Variants in SLC25A25 observed in about 807,000 individuals in gnomAD.
SLC25A25 encodes the protein mitochondrial adenyl nucleotide antiporter SLC25A25.
A neutral mutation model predicts 57.7 loss-of-function variants in SLC25A25; 32 were observed. The ratio of observed to expected loss-of-function variants is 0.55; its 90% CI spans 0.42 to 0.74. The LOEUF (loss-of-function observed/expected upper bound fraction) is 0.74, where lower values mean the gene tolerates loss of function less well. SLC25A25 is among the 30% of genes least tolerant of loss of function. SLC25A25 has a pLI of 0.00. For synonymous variants in SLC25A25, 306 were observed against 291.2 expected (o/e 1.05, Z -0.52); for missense variants, 556 against 701.3 (o/e 0.79, Z 2.34).
At chr9:128,072,661 T>C (rs1357819786) in intron 1 of SLC25A25, among the ~76,000 whole-genome samples, 1 of 152,146 alleles carries the variant, frequency 6.6e-6, no homozygotes, top group Non-Finnish European at 1.5e-5. Context: ...AAATTTTCTT[T>C]GTAAAGGGCA....
At position 128,102,588 on chromosome 9, in the gene SLC25A25, C is replaced by T; in HGVS notation, c.624+107C>T. ...GCAGCTGGGGCTTTCCAGCCACCTCCTCTTCCACAGGAGACTGTCCCCTCT... is the reference window on the plus strand; with the variant it reads ...GCAGCTGGGGCTTTCCAGCCACCTCTTCTTCCACAGGAGACTGTCCCCTCT... On this transcript the variant is annotated intron_variant, in intron 5 of 10. Coordinates refer to ENST00000373069, the MANE Select transcript of SLC25A25 (RefSeq NM_001330988.2). The surrounding 1 kb of genome is among the most constrained non-coding windows in gnomAD (Gnocchi z 4.1). The T allele has an allele frequency of 4.9e-6, 4 of 815,106 alleles. No individual in the cohort carries two copies. In the South Asian group the frequency reaches 6.7e-5, roughly 14 times the overall value. The allele number at this position is 815,106 out of a possible 1,614,324, so 50.5% of individuals were successfully genotyped here. A position where few individuals can be genotyped will look rare whatever the true frequency, so the allele number is the denominator to read the frequency against.
chr9:128,077,062 A>G (rs1265282480), intron 1 of SLC25A25, among the ~76,000 whole-genome samples: 1 of 152,122 alleles, frequency 6.6e-6, no homozygotes, highest in East Asian at 1.9e-4. Flanking sequence ...AGGGCCCTTT[A>G]TCTGAAATCT....
intron 1 of SLC25A25, among the ~76,000 whole-genome samples, chr9:128,092,778 A>C (rs1228237942): frequency 6.6e-6 from 1 of 152,234 alleles, no homozygotes; most frequent in Non-Finnish European, 1.5e-5. Flanking sequence ...ACTGAGGTGC[A>C]GAATGGTTAC....
At chr9:128,089,997 A>G (rs1833362395) in intron 1 of SLC25A25, among the ~76,000 whole-genome samples, 1 of 152,012 alleles carries the variant, frequency 6.6e-6, no homozygotes, top group South Asian at 2.1e-4. Context: ...ATACATGCTT[A>G]TGGTTCAGTT....
chr9:128,108,543 T>G lies in SLC25A25; in HGVS notation c.*1099T>G. The G allele has an allele frequency of 3.3e-6, 1 of 304,916 alleles. No homozygotes were observed. Among genetic ancestry groups the G allele is most frequent in the Non-Finnish European group, 6.0e-6 (1 of 167,454 alleles). 18.9% of individuals were successfully genotyped at this position (304,916 alleles called of 1,614,324 possible). On this transcript the variant is annotated 3_prime_UTR_variant, in exon 11 of 11. Coordinates refer to ENST00000373069, the MANE Select transcript of SLC25A25 (RefSeq NM_001330988.2). ...TTTTGTATTTATTTGAACAGAGTTA[T>G]GTCCTAACTATTTTTATAGATTTGT...
Position 128,099,234 on chromosome 9 carries a change from A to G in SLC25A25, c.262-1862A>G, listed in dbSNP as rs1265378364. 1 of 1,288,656 alleles carries G rather than the reference A, an allele frequency of 7.8e-7. No individual in the cohort carries two copies. The highest frequency in any genetic ancestry group is 2.3e-5 in the Admixed American group (1 of 43,496). The allele number at this position is 1,288,656 out of a possible 1,614,324, so 79.8% of individuals were successfully genotyped here. The stretch of plus-strand genomic sequence containing the variant: ...CTGCAGAGTCCGGAGGCCCCTTGCC[A>G]CCTCGGCTTCTCGGTTAATCAGTTT... On this transcript the variant is annotated intron_variant, in intron 1 of 10. Transcript: ENST00000373069. This position sits in a 1 kb window ranked among gnomAD's most constrained non-coding sequence, Gnocchi z 6.8.
chr9:128,093,396 C>T (rs556047983), intron 1 of SLC25A25, among the ~76,000 whole-genome samples: 3 of 152,354 alleles, frequency 2.0e-5, no homozygotes, highest in South Asian at 2.1e-4. Context: ...GAATGGCCGG[C>T]TCCTTTTAAA....
In SLC25A25 at chr9:128,102,551, C is replaced by A; in HGVS notation, c.624+70C>A. 7.6e-7 allele frequency: 1 copy of A among 1,312,074 alleles called. No individual in the cohort carries two copies. Among genetic ancestry groups the A allele is most frequent in the Admixed American group, 2.0e-5 (1 of 50,096 alleles). The allele number at this position is 1,312,074 out of a possible 1,614,324, so 81.3% of individuals were successfully genotyped here. ...TTAGCCCAGAGTCACCCAGTCGTCC[C>A]CATCCCAGAGTGCAGCTGGGGCTTT... On this transcript the variant is annotated intron_variant, in intron 5 of 10. Coordinates refer to ENST00000373069, the MANE Select transcript of SLC25A25 (RefSeq NM_001330988.2). This position sits in a 1 kb window ranked among gnomAD's most constrained non-coding sequence, Gnocchi z 4.1.
chr9:128,107,402 C>G lies in SLC25A25; in HGVS notation c.1506C>G (p.Val502=). 6.6e-7 allele frequency: 1 copy of G among 1,508,892 alleles called. No homozygotes were observed. Among genetic ancestry groups the G allele is most frequent in the Non-Finnish European group, 8.9e-7 (1 of 1,127,708 alleles). The allele number at this position is 1,508,892 out of a possible 1,614,324, so 93.5% of individuals were successfully genotyped here. Residue 502 remains valine, a synonymous_variant, in exon 11 of 11, where the codon GTC becomes GTG. Coordinates refer to ENST00000373069, the MANE Select transcript of SLC25A25 (RefSeq NM_001330988.2). Reference sequence around the variant, plus strand: ...CAGCTGTGAGCATCAGCTACGTGGTCTACGAGAACCTGAAGATCACCCTGG... The same window carrying G: ...CAGCTGTGAGCATCAGCTACGTGGTGTACGAGAACCTGAAGATCACCCTGG... ...VIPAVSISYV[V]YENLKITLGV...
chr9:128,104,108 C>T (rs1465158966), intron 6 of SLC25A25, among the ~76,000 whole-genome samples: 1 of 152,154 alleles, frequency 6.6e-6, no homozygotes, highest in Non-Finnish European at 1.5e-5. Context: ...TGGGGTGAGG[C>T]AGGAACCAAT....
At position 128,107,197 on chromosome 9, in the gene SLC25A25, C is replaced by CG. The variant is rs1266297995; in HGVS notation, c.1363+18_1363+19insG. The CG allele has an allele frequency of 1.8e-5, 29 of 1,613,448 alleles. No individual in the cohort carries two copies. Among genetic ancestry groups the CG allele is most frequent in the Non-Finnish European group, 2.4e-5 (28 of 1,179,916 alleles). On this transcript the variant is annotated intron_variant, in intron 10 of 10. Transcript: ENST00000373069. The stretch of plus-strand genomic sequence containing the variant: ...GGCGCAAGGTAAGGCTGGCCCTGGA[C>CG]AGTCCCCTGGGAGGTCGGGGGGAGC...
chr9:128,099,172 C>A lies in SLC25A25; in HGVS notation c.262-1924C>A. ...TCGACTCTCAGACATCGCTGTGGAA[C>A]AGGGCCTGTGTCTGCCCTGAAAGTG... On this transcript the variant is annotated intron_variant, in intron 1 of 10. Coordinates refer to ENST00000373069, the MANE Select transcript of SLC25A25 (RefSeq NM_001330988.2). The surrounding 1 kb of genome is among the most constrained non-coding windows in gnomAD (Gnocchi z 6.8). 8.0e-7 allele frequency: 1 copy of A among 1,251,350 alleles called. No individual in the cohort carries two copies. The highest frequency in any genetic ancestry group is 1.3e-5 in the South Asian group (1 of 74,882). 77.5% of individuals were successfully genotyped at this position (1,251,350 alleles called of 1,614,324 possible). A position where few individuals can be genotyped will look rare whatever the true frequency, so the allele number is the denominator to read the frequency against.
rs1833886409 is a variant in SLC25A25 at position 128,103,340 on chromosome 9, G to A, written c.625-341G>A. On this transcript the variant is annotated intron_variant, in intron 5 of 10. Transcript: ENST00000373069. The surrounding 1 kb of genome is among the most constrained non-coding windows in gnomAD (Gnocchi z 6.7). Reference sequence around the variant, plus strand: ...CTCACCCCGGCCTGATCCCTTCAGCGCAGCCAGCCTGGCAATCTCACACAG... The same window carrying A: ...CTCACCCCGGCCTGATCCCTTCAGCACAGCCAGCCTGGCAATCTCACACAG... 1.3e-5 allele frequency among the ~76,000 whole-genome samples: 2 copies of A among 152,242 alleles called. No homozygotes were observed. The highest frequency in any genetic ancestry group is 1.5e-5 in the Non-Finnish European group (1 of 68,038).
rs1223480693 is a variant in SLC25A25, at chr9:128,106,251, A to G, written c.1038A>G (p.Pro346=). 3.7e-6 allele frequency: 6 copies of G among 1,613,916 alleles called. No homozygotes were observed. Among genetic ancestry groups the G allele is most frequent in the Non-Finnish European group, 5.1e-6 (6 of 1,180,000 alleles). Residue 346 remains proline (P), a synonymous_variant, in exon 8 of 11, where the codon CCA becomes CCG. Coordinates refer to ENST00000373069, the MANE Select transcript of SLC25A25 (RefSeq NM_001330988.2). ...AGAIAQSSIY[P]MEVLKTRMAL... ...CCATCGCCCAGAGCAGCATCTACCC[A>G]ATGGAGGTGAGGGGCCGCCTGGGTC...
chr9:128,105,673 G>A (rs1468287813), intron 6 of SLC25A25, 56 bp from the exon 7 acceptor site: 4 of 1,611,062 alleles, frequency 2.5e-6, no homozygotes, highest in African/African-American at 2.7e-5. Flanking sequence ...CTCTTGGCCG[G>A]GTGAGGCAGC....
At chr9:128,068,989 C>G (rs1191912075) in intron 1 of SLC25A25, among the ~76,000 whole-genome samples, 2 of 152,076 alleles carry the variant, frequency 1.3e-5, no homozygotes, top group Non-Finnish European at 2.9e-5. Flanking sequence ...CCATGCCAGC[C>G]GTGGGCCCTG....
At position 128,068,478 on chromosome 9, in the gene SLC25A25, C is replaced by CTGAA; in HGVS notation, c.160_161insGAAT (p.Phe54Ter). On this transcript the variant is annotated stop_gained and frameshift_variant, in exon 1 of 11. Transcript: ENST00000373069. LOFTEE classifies it high-confidence loss of function. Reference sequence around the variant, plus strand: ...ACCACCGGCTGCGCCTGTGGAGACTCTTTCAGACGCTCGACGTCAACCGGG... The same window carrying CTGAA: ...ACCACCGGCTGCGCCTGTGGAGACTCTGAATTTCAGACGCTCGACGTCAACCGGG... The CTGAA allele has an allele frequency of 6.6e-7, 1 of 1,521,614 alleles. No individual in the cohort carries two copies. 94.3% of individuals were successfully genotyped at this position (1,521,614 alleles called of 1,614,324 possible).
At chr9:128,077,578 A>G (rs1026301618) in intron 1 of SLC25A25, among the ~76,000 whole-genome samples, 5 of 151,744 alleles carry the variant, frequency 3.3e-5, no homozygotes, top group Non-Finnish European at 5.9e-5. Flanking sequence ...GTGAAAGTCC[A>G]GAATGGAGAA....
intron 1 of SLC25A25, chr9:128,098,715 A>G: frequency 6.2e-7 from 1 of 1,614,092 alleles, no homozygotes; most frequent in Non-Finnish European, 8.5e-7. Context: ...ACCTACCGCC[A>G]GTGGAAGCAG....
Sources: gnomAD v4.1 joint callset for allele counts (sites outside exome capture counted in the v4.1 genomes callset) on GRCh38, gnomAD v4.1.1 for gene constraint, Gnocchi (gnomAD v3.1) non-coding constraint, MANE v1.5 for transcripts, NCBI Gene and HGNC (gene_info 2026-07-23, HGNC 2026-07-21) for gene names.